PTPN3: variants seen among roughly 807,000 people sequenced by gnomAD.
PTPN3 encodes tyrosine-protein phosphatase non-receptor type 3.
In PTPN3, 96 loss-of-function variants were observed where a neutral mutation model predicts 132.7. The observed-to-expected ratio is 0.72, with a 90% CI of 0.61 to 0.86. PTPN3 has a LOEUF of 0.86. PTPN3 is among the 40% of genes least tolerant of loss of function. The pLI is 0.00. For synonymous variants in PTPN3, 398 were observed against 429.0 expected (o/e 0.93, Z 0.89); for missense variants, 1,125 against 1,159.6 (o/e 0.97, Z 0.43).
In PTPN3 at chr9:109,433,127, G is replaced by T; in HGVS notation, c.710C>A (p.Ala237Asp). ...TCGGTACACAGCAACACCCGCGGAAGCAATTCCAATCATTAGGTCTAAATT... is the reference window on the plus strand; with the variant it reads ...TCGGTACACAGCAACACCCGCGGAATCAATTCCAATCATTAGGTCTAAATT... The part of the protein sequence containing the change: ...LHNLDLMIGI[A>D]SAGVAVYRKY... Residue 237 changes from alanine to aspartate, a missense_variant, in exon 10 of 26, where the codon GCT becomes GAT. By Grantham distance (126) the Ala-to-Asp change is moderately radical. Coordinates refer to ENST00000374541, the MANE Select transcript of PTPN3 (RefSeq NM_002829.4). 1 of 1,614,130 alleles carries T rather than the reference G, an allele frequency of 6.2e-7. No individual in the cohort carries two copies. The highest frequency in any genetic ancestry group is 2.2e-5 in the East Asian group (1 of 44,880).
In PTPN3 at chr9:109,440,862, C is replaced by T. The variant is rs183680710; in HGVS notation, c.467-2628G>A. 3.3e-4 allele frequency among the ~76,000 whole-genome samples: 51 copies of T among 152,288 alleles called. 1 individual carries two copies. Among genetic ancestry groups the T allele is most frequent in the African/African-American group, 1.2e-3 (49 of 41,554 alleles). On this transcript the variant is annotated intron_variant, in intron 7 of 25. Coordinates refer to ENST00000374541, the MANE Select transcript of PTPN3 (RefSeq NM_002829.4). ...CTGTGGGGTGGTTTTCCCTTTAAAT[C>T]CTAAGCGGCCACTCTGTGCAAAGCT...
At chr9:109,532,224 T>C in the PTPN3 span, among the ~76,000 whole-genome samples, 1 of 152,204 alleles carries the variant, frequency 6.6e-6, no homozygotes, top group Non-Finnish European at 1.5e-5. Context: ...GGCTGGCAGA[T>C]ACACTAACTA....
chr9:109,386,964 A>C (rs1361263833), intron 22 of PTPN3, among the ~76,000 whole-genome samples: 1 of 152,038 alleles, frequency 6.6e-6, no homozygotes, highest in Non-Finnish European at 1.5e-5. Context: ...GGTTTGGGGG[A>C]CAGAGAGGGG....
At chr9:109,450,817 C>G (rs1007375650) in intron 5 of PTPN3, 2 of 985,452 alleles carry the variant, frequency 2.0e-6, no homozygotes, top group African/African-American at 1.7e-5. Flanking sequence ...GGGTACCCCA[C>G]CTGTGACCTC....
the PTPN3 span, among the ~76,000 whole-genome samples, chr9:109,523,520 C>A: frequency 1.1e-5 from 1 of 89,408 alleles, no homozygotes; most frequent in South Asian, 4.1e-4. Flanking sequence ...TAATAAGTTT[C>A]AGCCCTCCAG....
intron 1 of PTPN3, among the ~76,000 whole-genome samples, chr9:109,464,147 G>A (rs1845983166): frequency 2.0e-5 from 3 of 152,204 alleles, no homozygotes; most frequent in Admixed American, 2.0e-4. Flanking sequence ...AGGGTGTGGA[G>A]CAACCAGAAC....
At chr9:109,382,580 G>A in intron 23 of PTPN3, 133 bp from the exon 24 acceptor site, 1 of 1,001,948 alleles carries the variant, frequency 1.0e-6, no homozygotes, top group Non-Finnish European at 1.5e-6. Flanking sequence ...GTGGCCCCTA[G>A]CAATTCCTCC....
At chr9:109,455,658 T>G (rs1360745787) in intron 4 of PTPN3, among the ~76,000 whole-genome samples, 3 of 152,198 alleles carry the variant, frequency 2.0e-5, no homozygotes, top group African/African-American at 7.2e-5. Flanking sequence ...TTGGGATGCT[T>G]GTTCACCTCC....
At chr9:109,499,773 G>A (rs1016739533), upstream of PTPN3, among the ~76,000 whole-genome samples, 18 of 152,218 alleles carry the variant, frequency 1.2e-4, no homozygotes, top group African/African-American at 4.3e-4. Context: ...TAGCGCCGCT[G>A]CAGCGGGTGC....
chr9:109,443,656 G>C (rs1161515420), intron 7 of PTPN3, among the ~76,000 whole-genome samples: 1 of 152,198 alleles, frequency 6.6e-6, no homozygotes, highest in East Asian at 1.9e-4. Context: ...GGCAGACACA[G>C]AGTTCACAAG....
chr9:109,453,731 C>T (rs1588454366), intron 5 of PTPN3, among the ~76,000 whole-genome samples: 1 of 152,082 alleles, frequency 6.6e-6, no homozygotes. Context: ...TATAACAAAG[C>T]TGGCCTGGTG....
intron 22 of PTPN3, among the ~76,000 whole-genome samples, chr9:109,386,722 C>G (rs948688382): frequency 8.5e-5 from 13 of 152,164 alleles, no homozygotes; most frequent in African/African-American, 1.2e-4. Flanking sequence ...TACACCTGCA[C>G]AGAAGGTACC....
At chr9:109,452,287 A>G (rs1267562306) in intron 5 of PTPN3, among the ~76,000 whole-genome samples, 3 of 150,514 alleles carry the variant, frequency 2.0e-5, no homozygotes, top group Non-Finnish European at 4.4e-5. Context: ...AAAAAAAAAA[A>G]GGAAATAAAA....
intron 22 of PTPN3, 152 bp downstream of exon 22, chr9:109,389,081 G>A (rs965390447): frequency 2.1e-6 from 2 of 968,962 alleles, no homozygotes; most frequent in Admixed American, 3.2e-5. Context: ...CCCGTCACTA[G>A]GGGTGTCTAT....
chr9:109,505,328 A>T, the PTPN3 span, among the ~76,000 whole-genome samples: 2 of 152,230 alleles, frequency 1.3e-5, no homozygotes, highest in South Asian at 4.1e-4. Context: ...ACTGGAGTAT[A>T]GTGATGTGTC....
chr9:109,495,617 C>T (rs1588515310), intron 1 of PTPN3, among the ~76,000 whole-genome samples: 1 of 152,186 alleles, frequency 6.6e-6, no homozygotes, highest in Non-Finnish European at 1.5e-5. Context: ...TGTGTGAAAC[C>T]TTCCAGTTCA....
rs77456650 is a variant in PTPN3 at position 109,385,036 on chromosome 9, A to G, written c.2254-1485T>C. 1.3e-4 allele frequency among the ~76,000 whole-genome samples: 20 copies of G among 152,318 alleles called. No homozygotes were observed. In the East Asian group the frequency reaches 2.9e-3, roughly 22 times the overall value. On this transcript the variant is annotated intron_variant, in intron 22 of 25. Transcript: ENST00000374541. ...TAAATCCCTGTCCTGTAGGCTCCCA[A>G]TGGTCCTGCCCACAGGGTAATTGCA...
chr9:109,455,805 C>CTTGAG (rs1350531456), intron 4 of PTPN3, among the ~76,000 whole-genome samples: 2 of 152,228 alleles, frequency 1.3e-5, no homozygotes, highest in Admixed American at 1.3e-4. Context: ...TGGCTGTGGG[C>CTTGAG]TCCTTGAGGG....
At chr9:109,476,865 T>C (rs1400613878) in intron 1 of PTPN3, among the ~76,000 whole-genome samples, 1 of 152,246 alleles carries the variant, frequency 6.6e-6, no homozygotes, top group African/African-American at 2.4e-5. Context: ...ACCTGCCTTC[T>C]TTCTCAGTCC....
Sources: allele counts gnomAD v4.1 joint callset (sites outside exome capture counted in the v4.1 genomes callset), GRCh38; gene constraint gnomAD v4.1.1; transcripts MANE v1.5; gene names NCBI Gene and HGNC (gene_info 2026-07-23, HGNC 2026-07-21).